Variants in USP40 observed in about 807,000 individuals in gnomAD.
USP40 encodes ubiquitin carboxyl-terminal hydrolase 40.
USP40 carries 143 observed loss-of-function variants against 166.2 expected under a neutral mutation model. The observed-to-expected ratio is 0.86, with a 90% confidence interval of 0.75 to 0.99. The LOEUF is 0.99. Among genes scored for constraint, USP40 ranks in the 50% least tolerant of loss-of-function variants. The probability of loss-of-function intolerance (pLI) is 0.00; values close to 1 mark genes in which losing one functional copy is unlikely to be tolerated. For missense variants in USP40, 1,444 were observed against 1,479.7 expected (o/e 0.98, Z 0.40); for synonymous variants, 498 against 524.0 (o/e 0.95, Z 0.68).
At chr2:233,565,742 C>T (rs959507906) in intron 1 of USP40, among the ~76,000 whole-genome samples, 169 bp from the exon 2 acceptor site, 1 of 152,002 alleles carries the variant, frequency 6.6e-6, no homozygotes, top group Non-Finnish European at 1.5e-5. Flanking sequence ...TTTTTCATCC[C>T]TATCAGGACC....
chr2:233,490,187 G>A (rs181840255), intron 26 of USP40, among the ~76,000 whole-genome samples: 5 of 121,936 alleles, frequency 4.1e-5, no homozygotes, highest in Admixed American at 8.9e-5. Flanking sequence ...TTTTTGAGAC[G>A]GAGTCTCACT....
chr2:233,507,100 T>C (rs1230732499), intron 21 of USP40, among the ~76,000 whole-genome samples: 1 of 151,680 alleles, frequency 6.6e-6, no homozygotes, highest in African/African-American at 2.4e-5. Flanking sequence ...ATAAAGGAAA[T>C]GTAAATCAAA....
In USP40 at chr2:233,510,117, T is replaced by C. The variant is rs766484610; in HGVS notation, c.2545A>G (p.Met849Val). 37 of 1,602,884 alleles carry C rather than the reference T, an allele frequency of 2.3e-5. No homozygotes were observed. The East Asian group carries it at 6.5e-4, about 28-fold the overall frequency. Residue 849 changes from methionine to valine, a missense_variant, in exon 21 of 32, where the codon ATG becomes GTG. Transcript: ENST00000678225. ...SSSQLFLFFAMGSDVQPGTEM... is the reference protein window; with the variant it reads ...SSSQLFLFFAVGSDVQPGTEM... ...GTCCCAGGTTGAACGTCACTCCCCA[T>C]TGCAAAAAACAGGAACAACTAATAA...
At chr2:233,532,269 C>T (rs996011232) in intron 11 of USP40, among the ~76,000 whole-genome samples, 3 of 152,192 alleles carry the variant, frequency 2.0e-5, no homozygotes, top group Non-Finnish European at 2.9e-5. Context: ...GCTATGTCTT[C>T]GTTTGCAAAT....
chr2:233,547,768 G>A (rs1421065786), intron 8 of USP40, among the ~76,000 whole-genome samples: 1 of 152,162 alleles, frequency 6.6e-6, no homozygotes, highest in East Asian at 1.9e-4. Context: ...AAATGAAAAT[G>A]TATATCTTGT....
rs918013431 is a variant in USP40 at position 233,475,667 on chromosome 2, G to A, written c.*1725C>T. On this transcript the variant is annotated 3_prime_UTR_variant, in exon 32 of 32. Transcript: ENST00000678225. The stretch of plus-strand genomic sequence containing the variant: ...CAGGCCGGCCCGGCCGCACGCGCCT[G>A]CTGGACGGCACTTCAGGGCACAACC... 2 of 152,418 alleles carry A rather than the reference G, an allele frequency of 1.3e-5. No individual in the cohort carries two copies. The highest frequency in any genetic ancestry group is 2.4e-5 in the African/African-American group (1 of 41,484). 9.4% of individuals were successfully genotyped at this position (152,418 alleles called of 1,614,324 possible).
At chr2:233,535,103 C>T (rs1393449212) in intron 10 of USP40, among the ~76,000 whole-genome samples, 1 of 152,146 alleles carries the variant, frequency 6.6e-6, no homozygotes, top group East Asian at 1.9e-4. Context: ...AAGAGTCTTA[C>T]TGGGATGAGG....
At chr2:233,533,415 G>A in intron 11 of USP40, 64 bp downstream of exon 11, 1 of 1,477,486 alleles carries the variant, frequency 6.8e-7, no homozygotes, top group Non-Finnish European at 9.1e-7. Flanking sequence ...AATTCAAACA[G>A]CATTCCATGT....
At chr2:233,489,214 T>C (rs527517776) in intron 27 of USP40, 151 bp downstream of exon 27, 142 of 722,328 alleles carry the variant, frequency 2.0e-4, no homozygotes, top group Non-Finnish European at 2.8e-4. Context: ...GAGTTTATGA[T>C]GAAAAGTGTC....
In USP40 at chr2:233,533,069, T is replaced by C. The variant is rs529706702; in HGVS notation, c.1471+410A>G. On this transcript the variant is annotated intron_variant, in intron 11 of 31. Coordinates refer to ENST00000678225, the MANE Select transcript of USP40 (RefSeq NM_001365479.2). ...TAAGCAGAAAATAAAGGAGAAGATA[T>C]AAAAGAATCAGGAAAATAAAGGAGA... 7.3e-5 allele frequency among the ~76,000 whole-genome samples: 11 copies of C among 150,518 alleles called. No homozygotes were observed. In the East Asian group the frequency reaches 1.7e-3, roughly 24 times the overall value.
chr2:233,554,745 TAAGAA>T (rs1332550206), intron 5 of USP40, among the ~76,000 whole-genome samples: 3 of 152,176 alleles, frequency 2.0e-5, no homozygotes, highest in African/African-American at 4.8e-5. Flanking sequence ...CAGAAAAATA[TAAGAA>T]AAGTTTATGA....
intron 11 of USP40, among the ~76,000 whole-genome samples, chr2:233,532,894 A>G (rs1444899351): frequency 1.3e-5 from 2 of 152,156 alleles, no homozygotes; most frequent in African/African-American, 4.8e-5. Context: ...ATGCCACTGC[A>G]CTCCAGCCTG....
Position 233,533,794 on chromosome 2 carries a change from A to AC in USP40, c.1171-16_1171-15insG. 6.7e-7 allele frequency: 1 copy of AC among 1,497,198 alleles called. No individual in the cohort carries two copies. The highest frequency in any genetic ancestry group is 8.9e-7 in the Non-Finnish European group (1 of 1,123,204). 92.7% of individuals were successfully genotyped at this position (1,497,198 alleles called of 1,614,324 possible). A position where few individuals can be genotyped will look rare whatever the true frequency, so the allele number is the denominator to read the frequency against. On this transcript the variant is annotated splice_polypyrimidine_tract_variant and intron_variant, in intron 10 of 31. Coordinates refer to ENST00000678225, the MANE Select transcript of USP40 (RefSeq NM_001365479.2). Reference sequence around the variant, plus strand: ...AGCTGTAAGAACTACACAGAAACAAAAAAAAAAATGCTAAGTTAATTATTT... The same window carrying AC: ...AGCTGTAAGAACTACACAGAAACAAACAAAAAAAATGCTAAGTTAATTATTT...
chr2:233,486,895 C>T lies in USP40; in HGVS notation c.3198-918G>A, dbSNP rs751708827. On this transcript the variant is annotated intron_variant, in intron 28 of 31. Transcript: ENST00000678225. The surrounding 1 kb of genome is among the most constrained non-coding windows in gnomAD (Gnocchi z 4.0). ...TGCGGCCAGAGGACAGAAAGGGCAT[C>T]GGCACAGATGCTGAAGTTGCCAAGG... Among the ~76,000 whole-genome samples, 6 of 152,208 alleles carry T rather than the reference C, an allele frequency of 3.9e-5. No individual in the cohort carries two copies. The highest frequency in any genetic ancestry group is 3.4e-3 in the Middle Eastern group (1 of 294).
At chr2:233,522,201 TA>T (rs757596918) in intron 16 of USP40, among the ~76,000 whole-genome samples, 4 of 152,112 alleles carry the variant, frequency 2.6e-5, no homozygotes, top group Non-Finnish European at 5.9e-5. Context: ...ATCTACAAAA[TA>T]ATCATTATTA....
chr2:233,483,497 TAAAAA>T (rs1302012994), intron 30 of USP40, among the ~76,000 whole-genome samples: 2 of 151,690 alleles, frequency 1.3e-5, no homozygotes, highest in African/African-American at 2.4e-5. Context: ...TCTCAAAAAA[TAAAAA>T]AAAGAAATCC....
intron 10 of USP40, among the ~76,000 whole-genome samples, chr2:233,535,405 C>A (rs940383141): frequency 6.6e-6 from 1 of 152,196 alleles, no homozygotes; most frequent in African/African-American, 2.4e-5. Flanking sequence ...TTAGTACTCA[C>A]TTCACCTTTT....
At chr2:233,516,659 G>C (rs890112839) in intron 18 of USP40, among the ~76,000 whole-genome samples, 31 of 150,924 alleles carry the variant, frequency 2.1e-4, no homozygotes, top group Non-Finnish European at 4.0e-4. Context: ...CTGCACTCTA[G>C]CCTGGGTGAC....
chr2:233,542,618 C>A, intron 8 of USP40: 1 of 325,240 alleles, frequency 3.1e-6, no homozygotes. Flanking sequence ...GTCAAGGCTG[C>A]AGTAGGCCGT....
Sources: allele counts gnomAD v4.1 joint callset (sites outside exome capture counted in the v4.1 genomes callset), GRCh38; gene constraint gnomAD v4.1.1; non-coding constraint Gnocchi (gnomAD v3.1); transcripts MANE v1.5; gene names NCBI Gene and HGNC (gene_info 2026-07-23, HGNC 2026-07-21).